The following ISM2 variants were observed in gnomAD, a reference collection of about 807,000 sequenced individuals.
The protein encoded by ISM2 is isthmin-2.
A neutral mutation model predicts 58.0 loss-of-function variants in ISM2; 50 were observed. The observed-to-expected ratio is 0.86, with a 90% CI of 0.69 to 1.09. ISM2 has a LOEUF of 1.09. Ranked by LOEUF, ISM2 falls within the 50% of genes least tolerant of loss-of-function variation. ISM2 has a pLI of 0.00. For missense variants in ISM2, 723 were observed against 745.0 expected (o/e 0.97, Z 0.34); for synonymous variants, 303 against 312.4 (o/e 0.97, Z 0.32).
chr14:77,479,240 C>CT (rs1375846696), intron 4 of ISM2, among the ~76,000 whole-genome samples: 1 of 151,590 alleles, frequency 6.6e-6, no homozygotes, highest in Non-Finnish European at 1.5e-5. Flanking sequence ...CTAATTTTTT[C>CT]TTTTTTTGAG....
intron 3 of ISM2, 42 bp downstream of exon 3, chr14:77,484,281 T>C: frequency 1.3e-6 from 2 of 1,594,144 alleles, no homozygotes; most frequent in Non-Finnish European, 1.7e-6. Flanking sequence ...CCCGCTCCTC[T>C]CCGGGTGTCT....
chr14:77,478,786 G>C, intron 4 of ISM2, 71 bp from the exon 5 acceptor site: 1 of 1,510,780 alleles, frequency 6.6e-7, no homozygotes, highest in Non-Finnish European at 9.1e-7. Context: ...ATCAGCACAG[G>C]GCACCCTTTC....
intron 4 of ISM2, 43 bp from the exon 5 acceptor site, chr14:77,478,758 C>A: frequency 6.3e-7 from 1 of 1,587,420 alleles, no homozygotes; most frequent in Non-Finnish European, 8.6e-7. Context: ...ATATAGCTCA[C>A]AGGGCAAATT....
At position 77,476,059 on chromosome 14, in the gene ISM2, A is replaced by G. The variant is rs1484051533; in HGVS notation, c.1252T>C (p.Tyr418His). Residue 418 changes from tyrosine (Y) to histidine (H), a missense_variant, in exon 7 of 7, where the codon TAT becomes CAT. Physicochemically the swap from Tyr to His is moderately conservative, Grantham distance 83. Coordinates refer to ENST00000342219, the MANE Select transcript of ISM2 (RefSeq NM_199296.3). ...LNCKSDFLIK[Y>H]LSQMLRDLPS... ...AGGTCCCGCAGCATCTGGCTCAGAT[A>G]CTTGATTAGGAAGTCGCTCTTGCAG... The G allele has an allele frequency of 6.5e-7, 1 of 1,535,846 alleles. No homozygotes were observed. Among genetic ancestry groups the G allele is most frequent in the Non-Finnish European group, 8.7e-7 (1 of 1,145,092 alleles).
At chr14:77,497,741 G>GGGAA (rs1227403057) in intron 1 of ISM2, among the ~76,000 whole-genome samples, 716 of 54,090 alleles carry the variant, frequency 0.013, 47 homozygotes, top group Middle Eastern at 0.018. Flanking sequence ...GAAGGAAGGA[G>GGGAA]GGAGGGAGGG....
chr14:77,475,454 G>T lies in ISM2; in HGVS notation c.*141C>A, dbSNP rs927526300. ...TATCTGCTTCGGGGTCGCTGGCAGA[G>T]GGCACACAGCCTCGGACCAACCTCA... On this transcript the variant is annotated 3_prime_UTR_variant, in exon 7 of 7. Transcript: ENST00000342219. The surrounding 1 kb of genome is among the most constrained non-coding windows in gnomAD (Gnocchi z 4.1). 15 of 810,330 alleles carry T rather than the reference G, an allele frequency of 1.9e-5. No individual in the cohort carries two copies. The African/African-American group carries it at 1.9e-4, about 10-fold the overall frequency. The allele number at this position is 810,330 out of a possible 1,614,324, so 50.2% of individuals were successfully genotyped here.
In ISM2 at chr14:77,482,530, T is replaced by C; in HGVS notation, c.765A>G (p.Gly255=). Reference sequence around the variant, plus strand: ...CCCCTGGGGCCCTGTCTTTTTCCTCTCCTTTGTAGTCTCCCCAGAGGAAGG... The same window carrying C: ...CCCCTGGGGCCCTGTCTTTTTCCTCCCCTTTGTAGTCTCCCCAGAGGAAGG... ...LWSFLWGDYK[G]EEKDRAPGEK... Residue 255 remains glycine (G), a synonymous_variant, in exon 4 of 7, where the codon GGA becomes GGG. Transcript: ENST00000342219. 2 of 1,614,084 alleles carry C rather than the reference T, an allele frequency of 1.2e-6. No individual in the cohort carries two copies. The highest frequency in any genetic ancestry group is 1.7e-6 in the Non-Finnish European group (2 of 1,180,012).
At chr14:77,476,647 A>C (rs975356679) in intron 6 of ISM2, among the ~76,000 whole-genome samples, 2 of 152,150 alleles carry the variant, frequency 1.3e-5, no homozygotes, top group African/African-American at 4.8e-5. Flanking sequence ...CCACCTCGGG[A>C]AACGTGGCCT....
At position 77,474,442 on chromosome 14, in the gene ISM2, C is replaced by A. The variant is rs757784532; in HGVS notation, c.*1153G>T. 5 of 152,188 alleles carry A rather than the reference C, an allele frequency of 3.3e-5. No individual in the cohort carries two copies. Among genetic ancestry groups the A allele is most frequent in the Admixed American group, 6.5e-5 (1 of 15,280 alleles). 9.4% of individuals were successfully genotyped at this position (152,188 alleles called of 1,614,324 possible). On this transcript the variant is annotated 3_prime_UTR_variant, in exon 7 of 7. Coordinates refer to ENST00000342219, the MANE Select transcript of ISM2 (RefSeq NM_199296.3). ...CTGAGGAGCCCAGAGAGCTTCAGGG[C>A]GGCCATCTGGGGGCTAGGACTGAAG...
chr14:77,489,289 A>G (rs1415702949), intron 1 of ISM2, among the ~76,000 whole-genome samples: 1 of 152,188 alleles, frequency 6.6e-6, no homozygotes, highest in East Asian at 1.9e-4. Flanking sequence ...TAGCTCCTGA[A>G]GCCCAGGCCC....
At chr14:77,494,200 A>G (rs1020642390) in intron 1 of ISM2, among the ~76,000 whole-genome samples, 3 of 152,094 alleles carry the variant, frequency 2.0e-5, no homozygotes. Context: ...TTTCATCTGG[A>G]AAATGGAGAT....
chr14:77,490,881 G>A (rs940955442), intron 1 of ISM2, among the ~76,000 whole-genome samples: 11 of 152,180 alleles, frequency 7.2e-5, no homozygotes, highest in Admixed American at 2.6e-4. Context: ...ATGGTCTGGA[G>A]GGATAAGGAA....
In ISM2 at chr14:77,484,772, G is replaced by A; in HGVS notation, c.289C>T (p.Pro97Ser). The change falls in exon 2 of 7, where the codon CCC (proline) becomes TCC (serine). Residue 97 changes from proline (P) to serine (S), a missense_variant. Pro to Ser is a moderately conservative substitution (Grantham distance 74). Coordinates refer to ENST00000342219, the MANE Select transcript of ISM2 (RefSeq NM_199296.3). ...AACGGAGTAACCTCTGGGGTCCTGG[G>A]AGGGGTGGCGTTGCCTGGGGTCATG... ...AAMTPGNATP[P>S]RTPEVTPLRL... is the part of the protein sequence containing the mutation. The A allele has an allele frequency of 6.2e-7, 1 of 1,611,790 alleles. No individual in the cohort carries two copies. The highest frequency in any genetic ancestry group is 8.5e-7 in the Non-Finnish European group (1 of 1,179,494).
intron 1 of ISM2, among the ~76,000 whole-genome samples, chr14:77,496,666 G>A (rs979564690): frequency 2.2e-4 from 34 of 151,436 alleles, no homozygotes; most frequent in African/African-American, 5.3e-4. Context: ...GCGTGGTGGC[G>A]TGAGCCTGTG....
At chr14:77,483,607 G>A (rs1007708423) in intron 3 of ISM2, among the ~76,000 whole-genome samples, 5 of 151,640 alleles carry the variant, frequency 3.3e-5, no homozygotes, top group African/African-American at 1.2e-4. Flanking sequence ...TGACATTTCT[G>A]CCTTCCAGTT....
At position 77,476,060 on chromosome 14, in the gene ISM2, C is replaced by T. The variant is rs941975973; in HGVS notation, c.1251G>A (p.Lys417=). The T allele has an allele frequency of 1.3e-6, 2 of 1,534,956 alleles. No homozygotes were observed. Among genetic ancestry groups the T allele is most frequent in the Non-Finnish European group, 1.7e-6 (2 of 1,144,716 alleles). Residue 417 remains lysine (K), a synonymous_variant, in exon 7 of 7, where the codon AAG becomes AAA. Coordinates refer to ENST00000342219, the MANE Select transcript of ISM2 (RefSeq NM_199296.3). The part of the protein sequence containing the change: ...WLNCKSDFLI[K]YLSQMLRDLP... ...GGTCCCGCAGCATCTGGCTCAGATACTTGATTAGGAAGTCGCTCTTGCAGT... is the reference window on the plus strand; with the variant it reads ...GGTCCCGCAGCATCTGGCTCAGATATTTGATTAGGAAGTCGCTCTTGCAGT...
In ISM2 at chr14:77,497,778, G is replaced by T. The variant is rs1337729366; in HGVS notation, c.141+875C>A. On this transcript the variant is annotated intron_variant, in intron 1 of 6. Coordinates refer to ENST00000342219, the MANE Select transcript of ISM2 (RefSeq NM_199296.3). ...GGGAGGGAGGGAGGGAGGGAAGGAAGGAAGGAAGGAAGGAAGGAAGGAAGG... is the reference window on the plus strand; with the variant it reads ...GGGAGGGAGGGAGGGAGGGAAGGAATGAAGGAAGGAAGGAAGGAAGGAAGG... Among the ~76,000 whole-genome samples the T allele has an allele frequency of 2.5e-4, 22 of 88,232 alleles. 1 individual carries two copies. The highest frequency in any genetic ancestry group is 1.3e-3 in the African/African-American group (21 of 16,232). 57.9% of individuals were successfully genotyped at this position (88,232 alleles called of 152,430 possible).
chr14:77,497,367 C>CAA (rs35676781), intron 1 of ISM2, among the ~76,000 whole-genome samples: 10,421 of 64,556 alleles, frequency 0.16, 1,321 homozygotes, highest in East Asian at 0.61. Context: ...GGCTCTGTCT[C>CAA]AAAAAAAAAA....
chr14:77,487,943 AAGGG>A (rs2079178356), intron 1 of ISM2, among the ~76,000 whole-genome samples: 1 of 152,168 alleles, frequency 6.6e-6, no homozygotes, highest in South Asian at 2.1e-4. Context: ...CTGGGGCTAG[AAGGG>A]AGGATTTGCT....
Sources: allele counts gnomAD v4.1 joint callset (sites outside exome capture counted in the v4.1 genomes callset), GRCh38; gene constraint gnomAD v4.1.1; non-coding constraint Gnocchi (gnomAD v3.1); transcripts MANE v1.5; gene names NCBI Gene and HGNC (gene_info 2026-07-23, HGNC 2026-07-21).